GALNT14: variants seen among roughly 807,000 people sequenced by gnomAD.
GALNT14 encodes the protein UDP-GalNAc:polypeptide N-acetylgalactosaminyltransferase 14.
GALNT14 carries 60 observed loss-of-function variants against 77.5 expected under a neutral mutation model. The observed-to-expected ratio is 0.77, with a 90% CI of 0.63 to 0.96. The LOEUF (loss-of-function observed/expected upper bound fraction) is 0.96. GALNT14 is among the 40% of genes least tolerant of loss of function. The probability of loss-of-function intolerance (pLI) is 0.00; values close to 1 mark genes in which losing one functional copy is unlikely to be tolerated. For synonymous variants in GALNT14, 280 were observed against 281.7 expected, an observed-to-expected ratio of 0.99 and a Z score of 0.06; for missense variants, 710 against 731.0, an observed-to-expected ratio of 0.97 and a Z score of 0.33.
rs1322125329 is a variant in GALNT14 at position 31,120,013 on chromosome 2, G to A, written c.129+17945C>T. Among the ~76,000 whole-genome samples the A allele has an allele frequency of 7.3e-5, 9 of 123,980 alleles. 2 individuals carry two copies. The highest frequency in any genetic ancestry group is 3.9e-3 in the Middle Eastern group (1 of 258). The allele number at this position is 123,980 out of a possible 152,430, so 81.3% of individuals were successfully genotyped here. Reference sequence around the variant, plus strand: ...CTACTAAAAATACAAAAAATTAGCCGGGCGTGGTAGCGGGCGCCTGTAGTC... The same window carrying A: ...CTACTAAAAATACAAAAAATTAGCCAGGCGTGGTAGCGGGCGCCTGTAGTC... On this transcript the variant is annotated intron_variant, in intron 1 of 14. Coordinates refer to ENST00000349752, the MANE Select transcript of GALNT14 (RefSeq NM_024572.4).
intron 1 of GALNT14, among the ~76,000 whole-genome samples, chr2:31,012,658 G>A (rs1422979269): frequency 6.6e-6 from 1 of 152,166 alleles, no homozygotes; most frequent in African/African-American, 2.4e-5. Context: ...ATCAGGGTGT[G>A]TAGGTCAAGC....
At chr2:30,911,131 A>T (rs1276943271) in intron 14 of GALNT14, 72 bp from the exon 15 acceptor site, 7 of 1,459,456 alleles carry the variant, frequency 4.8e-6, no homozygotes, top group South Asian at 1.2e-5. Flanking sequence ...TTTATCAGAA[A>T]GGTAGGTGCC....
At chr2:31,046,330 G>C (rs1165238599) in intron 1 of GALNT14, among the ~76,000 whole-genome samples, 1 of 151,480 alleles carries the variant, frequency 6.6e-6, no homozygotes, top group African/African-American at 2.4e-5. Context: ...GGGTTCAAGC[G>C]ATTCTCCTGC....
intron 1 of GALNT14, among the ~76,000 whole-genome samples, chr2:31,125,640 A>G (rs945886140): frequency 6.6e-6 from 1 of 152,254 alleles, no homozygotes; most frequent in South Asian, 2.1e-4. Context: ...AGAAAATATC[A>G]TAAGTGCAGC....
At chr2:30,930,128 T>G (rs1045489210) in intron 10 of GALNT14, among the ~76,000 whole-genome samples, 12 of 152,218 alleles carry the variant, frequency 7.9e-5, no homozygotes, top group African/African-American at 2.9e-4. Context: ...TGCCAGAAAC[T>G]GAACTTCTGT....
At chr2:31,073,992 G>A (rs1675596093) in intron 1 of GALNT14, among the ~76,000 whole-genome samples, 1 of 152,220 alleles carries the variant, frequency 6.6e-6, no homozygotes, top group African/African-American at 2.4e-5. Context: ...TTTGGGCCCT[G>A]AGTTCTCTGT....
chr2:30,891,406 G>T, the GALNT14 span, among the ~76,000 whole-genome samples: 2 of 152,164 alleles, frequency 1.3e-5, no homozygotes, highest in Admixed American at 6.5e-5. Context: ...CAGGTGGGGG[G>T]TCTTCAAGGT....
At chr2:31,013,301 G>A (rs1045991132) in intron 1 of GALNT14, among the ~76,000 whole-genome samples, 3 of 152,150 alleles carry the variant, frequency 2.0e-5, no homozygotes, top group Non-Finnish European at 4.4e-5. Flanking sequence ...ATAAAGATCT[G>A]AGTCTGCACA....
chr2:31,109,958 T>C (rs1343058770), intron 1 of GALNT14, among the ~76,000 whole-genome samples: 1 of 152,198 alleles, frequency 6.6e-6, no homozygotes, highest in Non-Finnish European at 1.5e-5. Context: ...TAGAAGGTGA[T>C]TTCAGAGCTC....
chr2:30,980,438 C>G (rs1439366172), intron 2 of GALNT14, among the ~76,000 whole-genome samples: 1 of 152,258 alleles, frequency 6.6e-6, no homozygotes, highest in Non-Finnish European at 1.5e-5. Context: ...CTCAGGGCCA[C>G]AGCTAGCAAA....
chr2:31,134,917 C>A (rs1679160541), intron 1 of GALNT14, among the ~76,000 whole-genome samples: 1 of 152,210 alleles, frequency 6.6e-6, no homozygotes, highest in African/African-American at 2.4e-5. Context: ...TCCTTAATGT[C>A]ATCTGCATAA....
chr2:30,965,547 C>T (rs567565145), intron 3 of GALNT14, among the ~76,000 whole-genome samples: 1 of 152,170 alleles, frequency 6.6e-6, no homozygotes, highest in South Asian at 2.1e-4. Flanking sequence ...GGTCTATGTT[C>T]TGAGGGGAGT....
intron 1 of GALNT14, among the ~76,000 whole-genome samples, chr2:31,116,242 TA>T (rs1678101675): frequency 6.6e-6 from 1 of 151,848 alleles, no homozygotes; most frequent in Non-Finnish European, 1.5e-5. Context: ...GCAAAAGTAA[TA>T]AAATGGAGAA....
intron 7 of GALNT14, 49 bp downstream of exon 7, chr2:30,945,732 CTG>C: frequency 2.8e-6 from 4 of 1,441,488 alleles, no homozygotes; most frequent in Non-Finnish European, 3.9e-6. Context: ...AAAGCAGTGA[CTG>C]AGAGGAAAAG....
At chr2:31,056,132 C>A (rs1674193120) in intron 1 of GALNT14, among the ~76,000 whole-genome samples, 1 of 152,154 alleles carries the variant, frequency 6.6e-6, no homozygotes, top group Non-Finnish European at 1.5e-5. Flanking sequence ...GGCCCTGCTC[C>A]CAAAATGCTG....
intron 6 of GALNT14, among the ~76,000 whole-genome samples, chr2:30,954,172 C>A (rs1331060376): frequency 6.6e-6 from 1 of 152,060 alleles, no homozygotes; most frequent in Non-Finnish European, 1.5e-5. Flanking sequence ...ACAGGAAGGG[C>A]TTGGTCAGAG....
intron 1 of GALNT14, among the ~76,000 whole-genome samples, chr2:31,040,979 G>A (rs1573223223): frequency 6.6e-6 from 1 of 152,138 alleles, no homozygotes; most frequent in Non-Finnish European, 1.5e-5. Flanking sequence ...AACACACAAG[G>A]GCTAATGGAG....
intron 14 of GALNT14, 59 bp from the exon 15 acceptor site, chr2:30,911,118 A>G: frequency 6.5e-7 from 1 of 1,533,692 alleles, no homozygotes; most frequent in Non-Finnish European, 9.0e-7. Context: ...TGGGAGTTCC[A>G]GCTTTATCAG....
chr2:31,071,364 C>T (rs761061587), intron 1 of GALNT14, among the ~76,000 whole-genome samples: 16 of 152,150 alleles, frequency 1.1e-4, no homozygotes, highest in African/African-American at 3.1e-4. Context: ...GAACAAAGTC[C>T]GGAGGACATC....
Sources: allele counts gnomAD v4.1 joint callset (sites outside exome capture counted in the v4.1 genomes callset), GRCh38; gene constraint gnomAD v4.1.1; transcripts MANE v1.5; gene names NCBI Gene and HGNC (gene_info 2026-07-23, HGNC 2026-07-21).